CA5B: variants seen among roughly 807,000 people sequenced by gnomAD.
CA5B encodes carbonic anhydrase 5B.
A neutral mutation model predicts 23.1 loss-of-function variants in CA5B; 15 were observed. The ratio of observed to expected loss-of-function variants is 0.65; its 90% CI spans 0.43 to 1.00. The LOEUF (loss-of-function observed/expected upper bound fraction) is 1.00, where lower values mean the gene tolerates loss of function less well. Ranked by LOEUF, CA5B falls within the 50% of genes least tolerant of loss-of-function variation. The pLI, the probability that CA5B is intolerant of heterozygous loss-of-function variation, is 0.00. For synonymous variants in CA5B, 84 were observed against 98.5 expected (o/e 0.85, Z 0.87); for missense variants, 236 against 252.2 (o/e 0.94, Z 0.43).
In CA5B at chrX:15,748,458, G is replaced by A. The variant is rs768667490; in HGVS notation, c.-53-1513G>A. ...ATTATTTAGCTCAAGGCACCATCAA[G>A]ATAATCCCTTGAAAGTTGATTACCA... On this transcript the variant is annotated intron_variant, in intron 1 of 7. Transcript: ENST00000318636. Among the ~76,000 whole-genome samples the A allele has an allele frequency of 2.6e-4, 29 of 111,690 alleles. No homozygotes were observed. The South Asian group carries it at 6.4e-3, about 25-fold the overall frequency.
At chrX:15,780,367 C>G (rs5980188) in intron 7 of CA5B, among the ~76,000 whole-genome samples, 39,879 of 107,654 alleles carry the variant, frequency 0.37, 6,540 homozygotes, top group Non-Finnish European at 0.5. Flanking sequence ...CTGCCTTGCA[C>G]GTTCAAGCAA....
At chrX:15,739,464 TTA>T (rs1185255232) in intron 1 of CA5B, among the ~76,000 whole-genome samples, 1 of 100,161 alleles carries the variant, frequency 1.0e-5, no homozygotes, top group Non-Finnish European at 2.1e-5. Context: ...TTTTTTTTTT[TTA>T]ACCTCAGCAT....
At chrX:15,742,118 G>A (rs1044761903) in intron 1 of CA5B, among the ~76,000 whole-genome samples, 4 of 112,093 alleles carry the variant, frequency 3.6e-5, no homozygotes, top group African/African-American at 1.3e-4. Flanking sequence ...CTTTCCAGTT[G>A]TGTAGACCAA....
intron 1 of CA5B, among the ~76,000 whole-genome samples, chrX:15,745,384 G>A (rs1931210230): frequency 9.0e-6 from 1 of 110,840 alleles, no homozygotes; most frequent in Non-Finnish European, 1.9e-5. Flanking sequence ...TGAGTACATA[G>A]TTTATGTTGG....
At chrX:15,766,772 GAT>G in intron 3 of CA5B, 2 of 219,996 alleles carry the variant, frequency 9.1e-6, no homozygotes, top group South Asian at 1.1e-4. Flanking sequence ...AAATGATACT[GAT>G]ATATGTTCTT....
chrX:15,753,228 G>A (rs1161172801), intron 2 of CA5B, among the ~76,000 whole-genome samples: 2 of 112,403 alleles, frequency 1.8e-5, no homozygotes, highest in South Asian at 3.6e-4. Context: ...GACTCTTTTC[G>A]ACAACACTTG....
rs1013873860 is a variant in CA5B at position 15,785,931 on chromosome X, C to G, written c.*3267C>G. On this transcript the variant is annotated 3_prime_UTR_variant, in exon 8 of 8. Transcript: ENST00000318636. ...TGTCACCCGGGCTGGAGTGCAGTGG[C>G]GCGATCTCGGCTCACTGCAAGCTCC... The G allele has an allele frequency of 9.1e-6, 1 of 110,395 alleles. No individual in the cohort carries two copies. The highest frequency in any genetic ancestry group is 1.9e-5 in the Non-Finnish European group (1 of 52,756). The allele number at this position is 110,395 out of a possible 1,213,427, so 9.1% of individuals were successfully genotyped here.
intron 2 of CA5B, among the ~76,000 whole-genome samples, chrX:15,760,309 C>G (rs1217537833): frequency 9.0e-6 from 1 of 110,572 alleles, no homozygotes; most frequent in Non-Finnish European, 1.9e-5. Context: ...CAAAACAAAC[C>G]CTTGGCAAAA....
In CA5B at chrX:15,776,290, G is replaced by T. The variant is rs1249329278; in HGVS notation, c.619-424G>T. 3 of 92,555 alleles carry T rather than the reference G, an allele frequency of 3.2e-5. No homozygotes were observed. The South Asian group carries it at 1.6e-3, about 51-fold the overall frequency. The allele number at this position is 92,555 out of a possible 1,213,427, so 7.6% of individuals were successfully genotyped here. ...GGAGGCGGAGCTTGCAGTGAGCCGAGATTGCACCACTGCACTCTAGCCTGG... is the reference window on the plus strand; with the variant it reads ...GGAGGCGGAGCTTGCAGTGAGCCGATATTGCACCACTGCACTCTAGCCTGG... On this transcript the variant is annotated intron_variant, in intron 6 of 7. Coordinates refer to ENST00000318636, the MANE Select transcript of CA5B (RefSeq NM_007220.4).
intron 1 of CA5B, among the ~76,000 whole-genome samples, chrX:15,744,340 C>T (rs1305358444): frequency 8.9e-6 from 1 of 112,697 alleles, no homozygotes; most frequent in African/African-American, 3.2e-5. Context: ...AGACCCACCC[C>T]CGACCAACAG....
intron 6 of CA5B, 124 bp from the exon 7 acceptor site, chrX:15,776,590 G>T: frequency 4.0e-6 from 2 of 503,880 alleles, no homozygotes; most frequent in East Asian, 6.8e-5. Flanking sequence ...GCCCAGAAAG[G>T]CCTGGAGCTG....
chrX:15,756,781 G>A (rs1012222738), intron 2 of CA5B, among the ~76,000 whole-genome samples: 2 of 111,838 alleles, frequency 1.8e-5, no homozygotes, highest in Non-Finnish European at 1.9e-5. Flanking sequence ...TTAGCCAGGC[G>A]CAGTGGCTCA....
At chrX:15,778,544 A>G (rs1240753918) in intron 7 of CA5B, among the ~76,000 whole-genome samples, 1 of 111,983 alleles carries the variant, frequency 8.9e-6, no homozygotes, top group Non-Finnish European at 1.9e-5. Context: ...CTCCAGAGAA[A>G]CAGAACCAAT....
chrX:15,766,870 AC>A (rs1342585313), intron 3 of CA5B: 8 of 320,315 alleles, frequency 2.5e-5, no homozygotes, highest in African/African-American at 1.9e-4. Flanking sequence ...CTTTTATTAT[AC>A]CCCTCATCAT....
At chrX:15,751,829 G>A (rs181019088) in intron 2 of CA5B, among the ~76,000 whole-genome samples, 2 of 111,133 alleles carry the variant, frequency 1.8e-5, no homozygotes, top group South Asian at 3.8e-4. Flanking sequence ...CCTTCGAGCC[G>A]GTCCTGTTTC....
At chrX:15,782,214 C>A (rs1018538589) in intron 7 of CA5B, among the ~76,000 whole-genome samples, 5 of 111,901 alleles carry the variant, frequency 4.5e-5, no homozygotes, top group African/African-American at 1.6e-4. Flanking sequence ...GGGGACAGGG[C>A]CTTTGCCCCA....
chrX:15,783,915 T>A lies in CA5B; in HGVS notation c.*1251T>A, dbSNP rs1601797729. 1 of 84,693 alleles carries A rather than the reference T, an allele frequency of 1.2e-5. No individual in the cohort carries two copies. The highest frequency in any genetic ancestry group is 1.5e-4 in the Admixed American group (1 of 6,687). 7.0% of individuals were successfully genotyped at this position (84,693 alleles called of 1,213,427 possible). ...TTTTTTTTTTTTTTTTGAGATGGAG[T>A]CTCGCTCTGTCCCCCAGGCTGGAGT... On this transcript the variant is annotated 3_prime_UTR_variant, in exon 8 of 8. Coordinates refer to ENST00000318636, the MANE Select transcript of CA5B (RefSeq NM_007220.4).
chrX:15,760,192 G>A (rs1931575589), intron 2 of CA5B, among the ~76,000 whole-genome samples: 1 of 111,612 alleles, frequency 9.0e-6, no homozygotes, highest in Admixed American at 9.6e-5. Context: ...TCTTATTTTT[G>A]AGGTAAAATA....
chrX:15,778,413 A>G (rs1931967798), intron 7 of CA5B, among the ~76,000 whole-genome samples: 1 of 112,069 alleles, frequency 8.9e-6, no homozygotes. Context: ...ATAAATAGCC[A>G]GGGAAAATTC....
Sources: gnomAD v4.1 joint callset for allele counts (sites outside exome capture counted in the v4.1 genomes callset) on GRCh38, gnomAD v4.1.1 for gene constraint, MANE v1.5 for transcripts, NCBI Gene and HGNC (gene_info 2026-07-23, HGNC 2026-07-21) for gene names.